MED13: variants seen among roughly 807,000 people sequenced by gnomAD.
MED13 encodes the protein mediator complex subunit 13, also known as mediator of RNA polymerase II transcription subunit 13.
Under a neutral mutation model 225.2 loss-of-function variants are expected in MED13, and 23 were observed. The observed-to-expected ratio is 0.10, with a 90% CI of 0.07 to 0.14. The LOEUF is 0.14. MED13 is among the 10% of genes least tolerant of loss of function. The pLI is 1.00. For synonymous variants in MED13, 942 were observed against 889.2 expected (o/e 1.06, Z -1.06); for missense variants, 2,197 against 2,594.5 (o/e 0.85, Z 3.33).
At position 61,984,201 on chromosome 17, in the gene MED13, G is replaced by A. The variant is rs2080228973; in HGVS notation, c.2858C>T (p.Ser953Leu). The change falls in exon 15 of 30, where the codon TCA (serine) becomes TTA (leucine). Residue 953 changes from serine to leucine, a missense_variant. By Grantham distance (145) the Ser-to-Leu change is moderately radical. Transcript: ENST00000397786. ...WTVGKLELLS[S>L]GPSMPFIKEG... ...TTTGATGAATGGCATTGAAGGCCCTGAAGAAAGCAATTCCAATTTTCCAAC... is the reference window on the plus strand; with the variant it reads ...TTTGATGAATGGCATTGAAGGCCCTAAAGAAAGCAATTCCAATTTTCCAAC... 1 of 1,594,386 alleles carries A rather than the reference G, an allele frequency of 6.3e-7. No homozygotes were observed. Among genetic ancestry groups the A allele is most frequent in the Non-Finnish European group, 8.5e-7 (1 of 1,171,734 alleles).
At position 61,955,750 on chromosome 17, in the gene MED13, T is replaced by C. The variant is rs1255408096; in HGVS notation, c.5712A>G (p.Ala1904=). 1.2e-6 allele frequency: 2 copies of C among 1,611,932 alleles called. No individual in the cohort carries two copies. The highest frequency in any genetic ancestry group is 1.7e-6 in the Non-Finnish European group (2 of 1,179,528). ...AAGCACTGAGAATGCTAGGGGAGTC[T>C]GCAGCAGATATACCACACATTCTAC... ...DMCRMCGISA[A]DSPSILSACL... is the part of the protein sequence containing the mutation. The change falls in exon 25 of 30, where the codon GCA becomes GCG. Residue 1904 remains alanine, a synonymous_variant. Transcript: ENST00000397786.
intron 8 of MED13, among the ~76,000 whole-genome samples, chr17:62,021,143 C>CCT (rs1429163138): frequency 1.3e-5 from 2 of 151,600 alleles, no homozygotes; most frequent in Middle Eastern, 3.4e-3. Flanking sequence ...CCGCCTTTCC[C>CCT]CTCTTTCTAT....
chr17:62,043,066 G>C (rs993247341), intron 3 of MED13, among the ~76,000 whole-genome samples: 3 of 137,462 alleles, frequency 2.2e-5, no homozygotes, highest in Admixed American at 8.1e-5. Flanking sequence ...TGAGGCAGGA[G>C]AATTGTTTGC....
intron 9 of MED13, chr17:62,004,322 C>A (rs759550131): frequency 6.6e-6 from 1 of 152,094 alleles, no homozygotes; most frequent in Non-Finnish European, 1.5e-5. Flanking sequence ...TTAGCAAATA[C>A]ATAATATAAT....
intron 3 of MED13, among the ~76,000 whole-genome samples, chr17:62,051,560 G>GA (rs956429411): frequency 6.6e-6 from 1 of 151,434 alleles, no homozygotes; most frequent in Non-Finnish European, 1.5e-5. Context: ...TTTCAAAGAG[G>GA]AAAAAAAATG....
intron 2 of MED13, among the ~76,000 whole-genome samples, chr17:62,057,035 C>T (rs1255575208): frequency 6.6e-6 from 1 of 151,860 alleles, no homozygotes; most frequent in Non-Finnish European, 1.5e-5. Flanking sequence ...AAAATCACAA[C>T]CAAAAAAGCA....
intron 21 of MED13, among the ~76,000 whole-genome samples, chr17:61,962,082 T>G (rs2143348746): frequency 6.6e-6 from 1 of 152,192 alleles, no homozygotes; most frequent in South Asian, 2.1e-4. Flanking sequence ...GGTCAAGAGA[T>G]AGAGACCATC....
intron 9 of MED13, 137 bp downstream of exon 9, chr17:62,010,413 G>A (rs2080495510): frequency 5.6e-6 from 3 of 532,138 alleles, no homozygotes; most frequent in South Asian, 2.0e-4. Flanking sequence ...ACACAGTAAA[G>A]GAATAATGCA....
At chr17:62,025,484 A>G (rs1483607844) in intron 8 of MED13, among the ~76,000 whole-genome samples, 1 of 152,206 alleles carries the variant, frequency 6.6e-6, no homozygotes, top group Non-Finnish European at 1.5e-5. Flanking sequence ...ACTGACCAAC[A>G]TGGTGAAACC....
chr17:61,965,526 A>G, intron 19 of MED13, 58 bp from the exon 20 acceptor site: 1 of 1,457,408 alleles, frequency 6.9e-7, no homozygotes, highest in Non-Finnish European at 9.3e-7. Flanking sequence ...TGGTTTTTTT[A>G]AATTCTACTG....
intron 3 of MED13, among the ~76,000 whole-genome samples, chr17:62,048,398 CAAAAAAAAAA>C (rs555420453): frequency 2.8e-4 from 19 of 68,090 alleles, no homozygotes; most frequent in East Asian, 4.2e-4. Flanking sequence ...GAGACTGTTT[CAAAAAAAAAA>C]AAAAAAAAAA....
intron 8 of MED13, among the ~76,000 whole-genome samples, chr17:62,018,846 ATATT>A (rs770060920): frequency 2.1e-4 from 32 of 152,216 alleles, no homozygotes; most frequent in Non-Finnish European, 3.8e-4. Flanking sequence ...TCCTACACGG[ATATT>A]TAGAGATGAG....
At chr17:62,054,305 A>C (rs1212104272) in intron 2 of MED13, among the ~76,000 whole-genome samples, 1 of 152,140 alleles carries the variant, frequency 6.6e-6, no homozygotes, top group Non-Finnish European at 1.5e-5. Flanking sequence ...TCTCCAAAAA[A>C]ACAAACAAAC....
intron 9 of MED13, among the ~76,000 whole-genome samples, chr17:61,998,817 T>C (rs1301086605): frequency 6.6e-6 from 1 of 151,834 alleles, no homozygotes; most frequent in Non-Finnish European, 1.5e-5. Flanking sequence ...CAGGCTGGTC[T>C]TGAACTCCTG....
intron 9 of MED13, among the ~76,000 whole-genome samples, chr17:62,003,031 T>A (rs1002080272): frequency 6.6e-6 from 1 of 152,156 alleles, no homozygotes; most frequent in African/African-American, 2.4e-5. Flanking sequence ...ACCAAAAATG[T>A]CTCTACACAT....
intron 11 of MED13, among the ~76,000 whole-genome samples, chr17:61,992,242 G>C (rs577550219): frequency 6.6e-6 from 1 of 152,064 alleles, no homozygotes; most frequent in Admixed American, 6.6e-5. Flanking sequence ...TTCCTTTCAC[G>C]TAATTCCCAG....
intron 27 of MED13, among the ~76,000 whole-genome samples, 168 bp downstream of exon 27, chr17:61,952,797 C>T (rs992212499): frequency 3.3e-5 from 5 of 152,118 alleles, no homozygotes; most frequent in East Asian, 1.9e-4. Context: ...CCACCTTACC[C>T]GGCTATTTTT....
chr17:62,042,014 A>G (rs1161347886), intron 3 of MED13, among the ~76,000 whole-genome samples: 2 of 152,218 alleles, frequency 1.3e-5, no homozygotes, highest in Non-Finnish European at 2.9e-5. Flanking sequence ...ACAGGCATCA[A>G]TAATTTTTTG....
chr17:61,961,200 C>A, intron 22 of MED13, 110 bp from the exon 23 acceptor site: 2 of 1,022,860 alleles, frequency 2.0e-6, no homozygotes, highest in South Asian at 1.7e-5. Context: ...AAAATGACAG[C>A]TAAGCCAAAA....
Sources: gnomAD v4.1 joint callset for allele counts (sites outside exome capture counted in the v4.1 genomes callset) on GRCh38, gnomAD v4.1.1 for gene constraint, MANE v1.5 for transcripts, NCBI Gene and HGNC (gene_info 2026-07-23, HGNC 2026-07-21) for gene names.